The following BACH2 variants were observed in gnomAD, a reference collection of about 807,000 sequenced individuals.
BACH2 encodes BACH transcriptional regulator 2, also known as transcription regulator protein BACH2.
A neutral mutation model predicts 61.8 loss-of-function variants in BACH2; 5 were observed. That is an observed-to-expected ratio of 0.08 (90% confidence interval 0.04 to 0.17). The LOEUF (loss-of-function observed/expected upper bound fraction) is 0.17, where lower values mean the gene tolerates loss of function less well. Among genes scored for constraint, BACH2 ranks in the 10% least tolerant of loss-of-function variants. The probability of loss-of-function intolerance (pLI) is 1.00; values close to 1 mark genes in which losing one functional copy is unlikely to be tolerated. For missense variants in BACH2, 824 were observed against 1,091.1 expected (o/e 0.76, Z 3.45); for synonymous variants, 446 against 440.1 (o/e 1.01, Z -0.17).
chr6:90,122,975 C>T (rs1783693645), intron 4 of BACH2, among the ~76,000 whole-genome samples: 1 of 152,184 alleles, frequency 6.6e-6, no homozygotes, highest in Non-Finnish European at 1.5e-5. Flanking sequence ...AACTTCAAAA[C>T]TGTTGTTGAA....
At chr6:90,136,129 C>T (rs1399598130) in intron 4 of BACH2, among the ~76,000 whole-genome samples, 1 of 152,232 alleles carries the variant, frequency 6.6e-6, no homozygotes, top group Non-Finnish European at 1.5e-5. Flanking sequence ...ATCAGTCAGT[C>T]CCACGAGCAC....
intron 6 of BACH2, chr6:90,001,372 A>C (rs1777125237): frequency 6.6e-6 from 1 of 152,240 alleles, no homozygotes; most frequent in Admixed American, 6.5e-5. Flanking sequence ...CTCTTCAACC[A>C]AGCCTGCAGC....
At chr6:90,263,464 A>G (rs1771229672) in intron 2 of BACH2, among the ~76,000 whole-genome samples, 2 of 152,250 alleles carry the variant, frequency 1.3e-5, no homozygotes, top group African/African-American at 4.8e-5. Context: ...TTTCAGGGAA[A>G]CAGTCCAAAT....
chr6:90,037,112 T>C (rs1779298777), intron 5 of BACH2, among the ~76,000 whole-genome samples: 1 of 152,162 alleles, frequency 6.6e-6, no homozygotes, highest in Non-Finnish European at 1.5e-5. Context: ...TTCATTATAC[T>C]TCAAGGGCAA....
intron 4 of BACH2, among the ~76,000 whole-genome samples, chr6:90,103,029 A>ATATATTTTTTTTTTTTTT: frequency 1.4e-4 from 3 of 21,164 alleles, no homozygotes; most frequent in African/African-American, 7.2e-4. Flanking sequence ...ATATATATAT[A>ATATATTTTTTTTTTTTTT]TTTTTTTTTT....
intron 4 of BACH2, among the ~76,000 whole-genome samples, chr6:90,141,428 G>C (rs550121072): frequency 2.1e-4 from 32 of 151,268 alleles, no homozygotes; most frequent in African/African-American, 7.0e-4. Context: ...TGATCCGCCT[G>C]CCTCGGCATC....
At chr6:90,179,168 T>G (rs373181221) in intron 4 of BACH2, among the ~76,000 whole-genome samples, 1 of 151,924 alleles carries the variant, frequency 6.6e-6, no homozygotes, top group African/African-American at 2.4e-5. Context: ...AAGGAAACAA[T>G]GTGCATTACA....
intron 5 of BACH2, among the ~76,000 whole-genome samples, chr6:90,039,574 C>T (rs756514676): frequency 7.3e-4 from 111 of 152,214 alleles, no homozygotes; most frequent in Non-Finnish European, 1.2e-3. Context: ...TCAGTAGAGA[C>T]GGGGTTTCAT....
Position 89,951,473 on chromosome 6 carries a change from G to A in BACH2, c.633C>T (p.Asp211=), listed in dbSNP as rs764844458. 10 of 1,614,114 alleles carry A rather than the reference G, an allele frequency of 6.2e-6. No homozygotes were observed. The Admixed American group carries it at 8.3e-5, about 13-fold the overall frequency. ...EKEEALLPEP[D]VPTDTKESSE... ...AGCTCTCCTTGGTGTCTGTGGGCACGTCAGGCTCGGGCAGCAGGGCTTCTT... is the reference window on the plus strand; with the variant it reads ...AGCTCTCCTTGGTGTCTGTGGGCACATCAGGCTCGGGCAGCAGGGCTTCTT... Residue 211 remains aspartate, a synonymous_variant, in exon 7 of 9, where the codon GAC becomes GAT. Coordinates refer to ENST00000257749, the MANE Select transcript of BACH2 (RefSeq NM_021813.4). The surrounding 1 kb of genome is among the most constrained non-coding windows in gnomAD (Gnocchi z 6.4).
intron 3 of BACH2, among the ~76,000 whole-genome samples, chr6:90,237,860 A>G (rs1331393743): frequency 6.6e-6 from 1 of 152,246 alleles, no homozygotes; most frequent in Non-Finnish European, 1.5e-5. Flanking sequence ...GCCCTGGTAG[A>G]TAACAAAGAC....
rs551188092 is a variant in BACH2, at chr6:90,069,554, C to T, written c.-13+19407G>A. Among the ~76,000 whole-genome samples the T allele has an allele frequency of 2.0e-5, 3 of 152,260 alleles. No homozygotes were observed. The South Asian group carries it at 6.2e-4, about 32-fold the overall frequency. On this transcript the variant is annotated intron_variant, in intron 5 of 8. Coordinates refer to ENST00000257749, the MANE Select transcript of BACH2 (RefSeq NM_021813.4). The stretch of plus-strand genomic sequence containing the variant: ...TGTGTGTCTGGCAAGTTAATGACTA[C>T]AAGCCCAAGGGATGCAAGAATGGGA...
chr6:90,110,810 CA>C (rs1390706197), intron 4 of BACH2, among the ~76,000 whole-genome samples: 3 of 152,196 alleles, frequency 2.0e-5, no homozygotes, highest in African/African-American at 7.2e-5. Flanking sequence ...GCGACTCAAA[CA>C]ACTGCACACG....
intron 1 of BACH2, among the ~76,000 whole-genome samples, chr6:90,280,177 AAT>A (rs1364329916): frequency 1.3e-5 from 2 of 152,228 alleles, no homozygotes; most frequent in African/African-American, 4.8e-5. Context: ...TATTTATTTA[AAT>A]ATCCCTTTTG....
At chr6:90,128,437 T>C (rs1783952400) in intron 4 of BACH2, among the ~76,000 whole-genome samples, 3 of 152,114 alleles carry the variant, frequency 2.0e-5, no homozygotes, top group African/African-American at 7.2e-5. Context: ...AAAAATTAGC[T>C]GGGTGTGATG....
intron 6 of BACH2, among the ~76,000 whole-genome samples, chr6:89,985,530 T>A (rs1486255402): frequency 6.6e-6 from 1 of 152,062 alleles, no homozygotes; most frequent in African/African-American, 2.4e-5. Flanking sequence ...CTGGGTCATG[T>A]CCCTGAGAGT....
intron 3 of BACH2, chr6:90,217,933 T>A (rs781340676): frequency 1.6e-4 from 25 of 152,276 alleles, no homozygotes; most frequent in Non-Finnish European, 3.2e-4. Flanking sequence ...CATTGCTCAA[T>A]CCTTCTTGAG....
intron 4 of BACH2, among the ~76,000 whole-genome samples, chr6:90,097,025 C>T (rs1029533756): frequency 2.0e-5 from 3 of 152,212 alleles, no homozygotes; most frequent in Non-Finnish European, 4.4e-5. Context: ...GCATGCATCC[C>T]TAGTCCAGCC....
intron 4 of BACH2, among the ~76,000 whole-genome samples, chr6:90,203,084 G>A (rs1769010601): frequency 6.6e-6 from 1 of 152,060 alleles, no homozygotes. Context: ...AAATAACCAA[G>A]AAAGTAGTAG....
At chr6:90,245,500 TAG>T (rs747605611) in intron 3 of BACH2, among the ~76,000 whole-genome samples, 1 of 152,116 alleles carries the variant, frequency 6.6e-6, no homozygotes, top group Admixed American at 6.5e-5. Flanking sequence ...GAGGCTGAGG[TAG>T]CCAGTGAACT....
Sources: gnomAD v4.1 joint callset for allele counts (sites outside exome capture counted in the v4.1 genomes callset) on GRCh38, gnomAD v4.1.1 for gene constraint, Gnocchi (gnomAD v3.1) non-coding constraint, MANE v1.5 for transcripts, NCBI Gene and HGNC (gene_info 2026-07-23, HGNC 2026-07-21) for gene names.